Variants in RIMS2 observed in about 807,000 individuals in gnomAD.
RIMS2 encodes the protein regulating synaptic membrane exocytosis protein 2.
In RIMS2, 59 loss-of-function variants were observed where a neutral mutation model predicts 174.4. That is an observed-to-expected ratio of 0.34 (90% CI 0.27 to 0.42). The LOEUF (loss-of-function observed/expected upper bound fraction) is 0.42. Ranked by LOEUF, RIMS2 falls within the 10% of genes least tolerant of loss-of-function variation. The pLI, the probability that RIMS2 is intolerant of heterozygous loss-of-function variation, is 1.00. For missense variants in RIMS2, 1,620 were observed against 1,666.3 expected, an observed-to-expected ratio of 0.97 and a Z score of 0.48; for synonymous variants, 606 against 572.5, an observed-to-expected ratio of 1.06 and a Z score of -0.84.
intron 19 of RIMS2, among the ~76,000 whole-genome samples, chr8:104,160,296 A>G (rs2134655361): frequency 6.6e-6 from 1 of 152,322 alleles, no homozygotes; most frequent in South Asian, 2.1e-4. Flanking sequence ...GATATCCACA[A>G]AATACTCAGT....
intron 19 of RIMS2, among the ~76,000 whole-genome samples, chr8:104,054,154 C>T (rs1397369137): frequency 2.0e-5 from 3 of 152,142 alleles, no homozygotes; most frequent in Non-Finnish European, 4.4e-5. Flanking sequence ...AATTCTCATC[C>T]TTCTTAATCT....
chr8:103,834,693 T>C (rs1368093920), intron 3 of RIMS2, among the ~76,000 whole-genome samples: 3 of 65,482 alleles, frequency 4.6e-5, no homozygotes, highest in African/African-American at 2.2e-4. Flanking sequence ...TCTTTCTTTC[T>C]TTCTTTCTTT....
chr8:104,252,649 C>T (rs2099361908), downstream of RIMS2: 1 of 151,980 alleles, frequency 6.6e-6, no homozygotes, highest in African/African-American at 2.4e-5. Flanking sequence ...TACAAAGATA[C>T]ACCATGTTTA....
rs139594990 is a variant in RIMS2 at position 103,502,819 on chromosome 8, T to G, written c.176+1757T>G. Among the ~76,000 whole-genome samples, 356 of 152,198 alleles carry G rather than the reference T, an allele frequency of 2.3e-3. 2 individuals are homozygous for G. Among genetic ancestry groups the G allele is most frequent in the African/African-American group, 8.1e-3 (338 of 41,584 alleles). On this transcript the variant is annotated intron_variant, in intron 1 of 23. Transcript: ENST00000504942. The stretch of plus-strand genomic sequence containing the variant: ...TAAATGTAAAATGTGTTTTTATTTC[T>G]TCATAGTAGAAATACTATGTGGCTA...
intron 1 of RIMS2, among the ~76,000 whole-genome samples, chr8:103,558,603 A>G (rs1409697580): frequency 6.6e-6 from 1 of 152,130 alleles, no homozygotes; most frequent in South Asian, 2.1e-4. Flanking sequence ...TACATGAAAA[A>G]ATTTACTGGA....
intron 19 of RIMS2, among the ~76,000 whole-genome samples, chr8:104,049,483 A>G (rs1597748126): frequency 6.6e-6 from 1 of 152,154 alleles, no homozygotes; most frequent in East Asian, 1.9e-4. Context: ...TTAAAGAACA[A>G]TAAAACAAGT....
chr8:103,665,705 T>C (rs956134065), intron 1 of RIMS2, among the ~76,000 whole-genome samples: 2 of 152,220 alleles, frequency 1.3e-5, no homozygotes, highest in African/African-American at 4.8e-5. Flanking sequence ...CCTCCCTGTT[T>C]TCCCCCCATG....
At chr8:103,595,084 A>G (rs1370231458) in intron 1 of RIMS2, among the ~76,000 whole-genome samples, 1 of 151,852 alleles carries the variant, frequency 6.6e-6, no homozygotes, top group African/African-American at 2.4e-5. Context: ...TATAGAATTT[A>G]GTGTTATAAT....
At chr8:104,093,687 A>G (rs1435215086) in intron 19 of RIMS2, 44 bp downstream of exon 24, 6 of 1,443,494 alleles carry the variant, frequency 4.2e-6, no homozygotes, top group Non-Finnish European at 4.8e-6. Context: ...ATGTTTTAGA[A>G]GGTCTTTATG....
intron 1 of RIMS2, among the ~76,000 whole-genome samples, chr8:103,505,388 A>C (rs141211472): frequency 6.6e-6 from 1 of 152,176 alleles, no homozygotes; most frequent in Non-Finnish European, 1.5e-5. Context: ...GGTCAGTTCC[A>C]CATCTGTGAC....
chr8:103,645,557 T>G (rs1427433954), intron 1 of RIMS2, among the ~76,000 whole-genome samples: 4 of 152,158 alleles, frequency 2.6e-5, no homozygotes, highest in African/African-American at 9.6e-5. Context: ...AATTCTTAGT[T>G]TCCCTCTGAG....
rs533697985 is a variant in RIMS2 at position 104,129,449 on chromosome 8, A to C, written c.3334+114834A>C. ...TTCTTGACATCCCACTGTAGGCGTT[A>C]ATTGTCTGCACATTGTTGAGAGTAT... On this transcript the variant is annotated intron_variant, in intron 19 of 23. Coordinates refer to ENST00000504942, the Ensembl canonical transcript of RIMS2. 4.6e-5 allele frequency among the ~76,000 whole-genome samples: 7 copies of C among 152,350 alleles called. No individual in the cohort carries two copies. The East Asian group carries it at 1.3e-3, about 29-fold the overall frequency.
At chr8:104,169,311 T>C (rs1355873022) in intron 19 of RIMS2, among the ~76,000 whole-genome samples, 1 of 58,562 alleles carries the variant, frequency 1.7e-5, no homozygotes, top group Non-Finnish European at 3.2e-5. Context: ...TGGCTATATA[T>C]ATATATATAT....
At chr8:103,551,924 A>G (rs956574803) in intron 1 of RIMS2, among the ~76,000 whole-genome samples, 8 of 152,346 alleles carry the variant, frequency 5.3e-5, no homozygotes, top group Non-Finnish European at 8.8e-5. Context: ...AAAGAGAACT[A>G]CAAACCACTG....
intron 17 of RIMS2, among the ~76,000 whole-genome samples, chr8:104,002,827 A>G (rs2095439723): frequency 6.6e-6 from 1 of 152,190 alleles, no homozygotes; most frequent in Non-Finnish European, 1.5e-5. Context: ...ACAGGAGAGT[A>G]GAGACTTAAA....
intron 2 of RIMS2, among the ~76,000 whole-genome samples, chr8:103,705,902 G>A (rs1262249552): frequency 6.6e-6 from 1 of 150,864 alleles, no homozygotes; most frequent in Non-Finnish European, 1.5e-5. Context: ...ATTTACATTC[G>A]ATAGTATTAT....
intron 1 of RIMS2, among the ~76,000 whole-genome samples, chr8:103,627,194 G>A (rs955142089): frequency 2.0e-5 from 3 of 152,134 alleles, no homozygotes; most frequent in African/African-American, 7.2e-5. Context: ...GCTGGGAAAA[G>A]AATTCAGCAA....
At chr8:103,742,260 CA>C (rs2097769038) in intron 2 of RIMS2, among the ~76,000 whole-genome samples, 2 of 152,054 alleles carry the variant, frequency 1.3e-5, no homozygotes, top group African/African-American at 4.8e-5. Flanking sequence ...AAAACCAAAA[CA>C]ACCTAAATGT....
chr8:103,819,021 G>T (rs2098734913), intron 3 of RIMS2, among the ~76,000 whole-genome samples: 1 of 152,152 alleles, frequency 6.6e-6, no homozygotes, highest in Non-Finnish European at 1.5e-5. Context: ...AGAGAAAAGG[G>T]TTGGGGAAAT....
Sources: gnomAD v4.1 joint callset for allele counts (sites outside exome capture counted in the v4.1 genomes callset) on GRCh38, gnomAD v4.1.1 for gene constraint, MANE v1.5 for transcripts, NCBI Gene and HGNC (gene_info 2026-07-23, HGNC 2026-07-21) for gene names.